Variants in SPMIP3 observed in about 807,000 individuals in gnomAD.
SPMIP3 encodes protein SPMIP3.
At chr1:244,355,297 C>A in the SPMIP3 span, among the ~76,000 whole-genome samples, 1 of 152,168 alleles carries the variant, frequency 6.6e-6, no homozygotes, top group East Asian at 1.9e-4. Context: ...CTTCCCCACC[C>A]CTTTCTACCA....
At chr1:244,362,972 T>G in the SPMIP3 span, among the ~76,000 whole-genome samples, 4 of 150,614 alleles carry the variant, frequency 2.7e-5, no homozygotes, top group Non-Finnish European at 1.5e-5. Context: ...GCCTCCTGAG[T>G]AGCTGGGACC....
the SPMIP3 span, among the ~76,000 whole-genome samples, chr1:244,366,192 A>G: frequency 2.9e-3 from 446 of 152,246 alleles, 2 homozygotes; most frequent in African/African-American, 0.01. Flanking sequence ...TTTATTTATT[A>G]GAGACAAAGT....
chr1:244,378,716 G>C, the SPMIP3 span: 1 of 1,453,240 alleles, frequency 6.9e-7, no homozygotes, highest in Non-Finnish European at 9.4e-7. Context: ...CTGTAGGCTT[G>C]CTGTCTCAGG....
the SPMIP3 span, among the ~76,000 whole-genome samples, chr1:244,386,739 C>T: frequency 7.2e-4 from 109 of 152,264 alleles, no homozygotes; most frequent in African/African-American, 2.6e-3. Context: ...TAGTCATACT[C>T]CTTGGGTTAG....
the SPMIP3 span, among the ~76,000 whole-genome samples, chr1:244,360,507 TATAC>T: frequency 0.016 from 211 of 12,836 alleles, 4 homozygotes; most frequent in Non-Finnish European, 0.031. Context: ...GAAAACGTGA[TATAC>T]ACACACACAC....
chr1:244,385,290 T>C, the SPMIP3 span, among the ~76,000 whole-genome samples: 2 of 152,236 alleles, frequency 1.3e-5, no homozygotes, highest in Non-Finnish European at 2.9e-5. Flanking sequence ...TGATTAAATA[T>C]AGACCATGAT....
chr1:244,366,592 T>C, the SPMIP3 span, among the ~76,000 whole-genome samples: 1 of 152,346 alleles, frequency 6.6e-6, no homozygotes, highest in East Asian at 1.9e-4. Context: ...AAGAATTTTC[T>C]TTTAAGACCT....
At chr1:244,381,275 C>A in the SPMIP3 span, among the ~76,000 whole-genome samples, 5 of 152,118 alleles carry the variant, frequency 3.3e-5, no homozygotes, top group Non-Finnish European at 2.9e-5. Flanking sequence ...GCTGTCCTTT[C>A]AAGACCAACT....
chr1:244,372,201 T>C, the SPMIP3 span, among the ~76,000 whole-genome samples: 1 of 152,230 alleles, frequency 6.6e-6, no homozygotes, highest in African/African-American at 2.4e-5. Flanking sequence ...CCCTCTTCTG[T>C]GTCCTATGGA....
At chr1:244,388,933 A>G in the SPMIP3 span, 1 of 1,590,778 alleles carries the variant, frequency 6.3e-7, no homozygotes, top group Non-Finnish European at 8.6e-7. Flanking sequence ...TAAATCCTTA[A>G]TTTGTTTTAA....
the SPMIP3 span, among the ~76,000 whole-genome samples, chr1:244,372,697 C>T: frequency 6.6e-6 from 1 of 152,202 alleles, no homozygotes; most frequent in Non-Finnish European, 1.5e-5. Context: ...CCCGCCTTGG[C>T]CTCCCAAAGT....
the SPMIP3 span, among the ~76,000 whole-genome samples, chr1:244,375,670 A>C: frequency 6.6e-6 from 1 of 151,484 alleles, no homozygotes; most frequent in Admixed American, 6.6e-5. Context: ...CTTATTTTAT[A>C]TCTTGCTGTT....
the SPMIP3 span, among the ~76,000 whole-genome samples, chr1:244,385,276 T>C: frequency 6.6e-6 from 1 of 152,196 alleles, no homozygotes; most frequent in Non-Finnish European, 1.5e-5. Context: ...TTCTCTGAGG[T>C]GTCTGATTAA....
chr1:244,370,731 T>C, the SPMIP3 span, among the ~76,000 whole-genome samples: 58 of 152,294 alleles, frequency 3.8e-4, no homozygotes, highest in African/African-American at 1.4e-3. Context: ...ACTGAATTCT[T>C]ATTAAAACAA....
chr1:244,353,127 G>A, the SPMIP3 span, among the ~76,000 whole-genome samples: 43 of 152,294 alleles, frequency 2.8e-4, 1 homozygote, highest in Middle Eastern at 0.017. Flanking sequence ...CTTGGACAGC[G>A]AACACTTTGC....
chr1:244,364,790 T>C, the SPMIP3 span: 1 of 1,608,982 alleles, frequency 6.2e-7, no homozygotes, highest in South Asian at 1.1e-5. Flanking sequence ...CCTCCGGGAC[T>C]GAAGCCAGGC....
the SPMIP3 span, among the ~76,000 whole-genome samples, chr1:244,363,125 G>T: frequency 6.6e-6 from 1 of 152,058 alleles, no homozygotes; most frequent in East Asian, 1.9e-4. Context: ...TCAGATGTGG[G>T]CCAGGTACGG....
chr1:244,389,253 C>T, the SPMIP3 span: 134 of 463,130 alleles, frequency 2.9e-4, no homozygotes, highest in Middle Eastern at 6.2e-4. Context: ...CAAGATCTAT[C>T]CTTAAGAGAA....
the SPMIP3 span, among the ~76,000 whole-genome samples, chr1:244,376,767 G>T: frequency 6.6e-6 from 1 of 151,710 alleles, no homozygotes; most frequent in African/African-American, 2.4e-5. Context: ...TTAATGTATC[G>T]TGGACTTTTT....
Sources: allele counts gnomAD v4.1 joint callset (sites outside exome capture counted in the v4.1 genomes callset), GRCh38; gene constraint gnomAD v4.1.1; transcripts MANE v1.5; gene names NCBI Gene and HGNC (gene_info 2026-07-23, HGNC 2026-07-21).